The following RREB1 variants were observed in gnomAD, a reference collection of about 807,000 sequenced individuals.
The protein encoded by RREB1 is ras responsive element binding protein 1, also known as ras-responsive element-binding protein 1.
A neutral mutation model predicts 117.8 loss-of-function variants in RREB1; 27 were observed. The observed-to-expected ratio is 0.23, with a 90% confidence interval of 0.17 to 0.32. RREB1 has a LOEUF of 0.32. RREB1 is among the 10% of genes least tolerant of loss of function. The pLI, the probability that RREB1 is intolerant of heterozygous loss-of-function variation, is 1.00. For missense variants in RREB1, 2,577 were observed against 2,378.2 expected, an observed-to-expected ratio of 1.08 and a Z score of -1.74; for synonymous variants, 1,298 against 1,026.7, an observed-to-expected ratio of 1.26 and a Z score of -5.05.
At chr6:7,151,585 G>A (rs1763124645) in intron 1 of RREB1, among the ~76,000 whole-genome samples, 1 of 152,218 alleles carries the variant, frequency 6.6e-6, no homozygotes, top group Non-Finnish European at 1.5e-5. Flanking sequence ...GCACATTGCA[G>A]GCACATGACA....
chr6:7,176,136 C>T (rs1764487163), intron 1 of RREB1, among the ~76,000 whole-genome samples: 1 of 152,154 alleles, frequency 6.6e-6, no homozygotes. Context: ...AGGCTGGTCT[C>T]GAACTCCTGA....
chr6:7,210,500 T>G (rs1368860839), intron 6 of RREB1, among the ~76,000 whole-genome samples: 2 of 152,230 alleles, frequency 1.3e-5, no homozygotes, highest in Admixed American at 6.5e-5. Context: ...ACTTTTTGTC[T>G]GCATGAGTGG....
chr6:7,204,218 C>G (rs1766145676), intron 6 of RREB1, among the ~76,000 whole-genome samples: 1 of 152,200 alleles, frequency 6.6e-6, no homozygotes, highest in East Asian at 1.9e-4. Context: ...TGAACCCATA[C>G]AACACCTGAA....
chr6:7,137,079 C>T lies in RREB1; in HGVS notation c.-285+29019C>T, dbSNP rs563953378. Among the ~76,000 whole-genome samples, 6 of 152,320 alleles carry T rather than the reference C, an allele frequency of 3.9e-5. No homozygotes were observed. The East Asian group carries it at 9.7e-4, about 25-fold the overall frequency. Reference sequence around the variant, plus strand: ...TTTAGGGTCATCACCCAGGATCTGGCGACGGGAGTGCCTCAACATGGGGAG... The same window carrying T: ...TTTAGGGTCATCACCCAGGATCTGGTGACGGGAGTGCCTCAACATGGGGAG... On this transcript the variant is annotated intron_variant, in intron 1 of 12. Transcript: ENST00000379938.
chr6:7,187,537 G>GTTGTT lies in RREB1; in HGVS notation c.261+16_261+17insGTTTT. On this transcript the variant is annotated intron_variant, in intron 5 of 12. Transcript: ENST00000379938. The stretch of plus-strand genomic sequence containing the variant: ...CACATTCGCCAGGTAGATTCCCACT[G>GTTGTT]TTCTTTTATTTTATTTTATTTTATT... 1 of 1,084,394 alleles carries GTTGTT rather than the reference G, an allele frequency of 9.2e-7. No individual in the cohort carries two copies. The highest frequency in any genetic ancestry group is 1.3e-6 in the Non-Finnish European group (1 of 798,546). 67.2% of individuals were successfully genotyped at this position (1,084,394 alleles called of 1,614,324 possible). A position where few individuals can be genotyped will look rare whatever the true frequency, so the allele number is the denominator to read the frequency against.
intron 1 of RREB1, among the ~76,000 whole-genome samples, chr6:7,128,396 G>A (rs1762022008): frequency 2.0e-5 from 3 of 152,178 alleles, no homozygotes; most frequent in Admixed American, 2.0e-4. Context: ...GTGTCTGAAA[G>A]TGCTGCTTTT....
rs1314685680 is a variant in RREB1, at chr6:7,246,852, A to C, written c.4402A>C (p.Lys1468Gln). ...CCTGGGCACCCTGAGCCGCCACCGG[A>C]AGGCGCACGGCCGCCAGGAGCCCAA... is the stretch of plus-strand genomic sequence containing the variant. ...KFLGTLSRHRKAHGRQEPKDE... is the reference protein window; with the variant it reads ...KFLGTLSRHRQAHGRQEPKDE... The change falls in exon 12 of 13, where the codon AAG (lysine) becomes CAG (glutamine). Residue 1468 changes from lysine to glutamine, a missense_variant. Transcript: ENST00000379938. 2 of 1,553,340 alleles carry C rather than the reference A, an allele frequency of 1.3e-6. No individual in the cohort carries two copies. Among genetic ancestry groups the C allele is most frequent in the Non-Finnish European group, 1.7e-6 (2 of 1,148,712 alleles).
In RREB1 at chr6:7,249,095, G is replaced by GAC. The variant is rs1561812099; in HGVS notation, c.*128_*129insCA. ...AGAGAGAGAGAGAGAGAGAGAGAGA[G>GAC]AGAGAGAGACAAGCAGGAGCGTGGC... On this transcript the variant is annotated 3_prime_UTR_variant, in exon 13 of 13. Transcript: ENST00000379938. 9 of 717,092 alleles carry GAC rather than the reference G, an allele frequency of 1.3e-5. No individual in the cohort carries two copies. In the African/African-American group the frequency reaches 1.7e-4, roughly 14 times the overall value. The allele number at this position is 717,092 out of a possible 1,614,324, so 44.4% of individuals were successfully genotyped here. A position where few individuals can be genotyped will look rare whatever the true frequency, so the allele number is the denominator to read the frequency against.
At chr6:7,154,909 C>T (rs1180777208) in intron 1 of RREB1, among the ~76,000 whole-genome samples, 1 of 152,120 alleles carries the variant, frequency 6.6e-6, no homozygotes, top group Non-Finnish European at 1.5e-5. Context: ...TTACCACGAG[C>T]TTCATTCGTT....
At chr6:7,166,946 T>G (rs1170853658) in intron 1 of RREB1, among the ~76,000 whole-genome samples, 3 of 152,198 alleles carry the variant, frequency 2.0e-5, no homozygotes, top group Admixed American at 2.0e-4. Context: ...TACTGAACTT[T>G]ACCCTAGCTT....
chr6:7,197,393 G>A (rs1258503772), intron 6 of RREB1, among the ~76,000 whole-genome samples: 1 of 152,242 alleles, frequency 6.6e-6, no homozygotes, highest in African/African-American at 2.4e-5. Context: ...GAGTAGGGAT[G>A]TGTTCTGATT....
At chr6:7,112,068 T>C (rs1761174378) in intron 1 of RREB1, among the ~76,000 whole-genome samples, 1 of 152,218 alleles carries the variant, frequency 6.6e-6, no homozygotes, top group Admixed American at 6.5e-5. Flanking sequence ...TTGATAGGGC[T>C]TCTCCTCCAT....
At chr6:7,141,144 C>G (rs1463872263) in intron 1 of RREB1, among the ~76,000 whole-genome samples, 1 of 152,046 alleles carries the variant, frequency 6.6e-6, no homozygotes, top group Non-Finnish European at 1.5e-5. Flanking sequence ...CGGGCCGCCC[C>G]CAGGGCTCCC....
intron 1 of RREB1, among the ~76,000 whole-genome samples, chr6:7,170,697 TTTA>T (rs1251603979): frequency 9.9e-5 from 15 of 152,174 alleles, no homozygotes; most frequent in African/African-American, 3.1e-4. Flanking sequence ...CTGTCCCTCA[TTTA>T]TTATTATTTT....
chr6:7,147,567 A>G (rs953000234), intron 1 of RREB1, among the ~76,000 whole-genome samples: 1 of 152,124 alleles, frequency 6.6e-6, no homozygotes, highest in African/African-American at 2.4e-5. Flanking sequence ...CATCAGAGTG[A>G]ATTATATCTG....
intron 12 of RREB1, among the ~76,000 whole-genome samples, chr6:7,247,657 A>G (rs1053803103): frequency 1.3e-5 from 2 of 152,078 alleles, no homozygotes; most frequent in African/African-American, 2.4e-5. Flanking sequence ...TGGGTGATCC[A>G]TTAGGGTCAG....
intron 10 of RREB1, among the ~76,000 whole-genome samples, chr6:7,238,028 G>A (rs1434167982): frequency 2.6e-5 from 4 of 152,150 alleles, no homozygotes; most frequent in African/African-American, 7.2e-5. Context: ...AGGGGGGAGC[G>A]AGAAGCCGAT....
chr6:7,188,706 A>G (rs563338531), intron 5 of RREB1, among the ~76,000 whole-genome samples: 19 of 152,306 alleles, frequency 1.2e-4, no homozygotes, highest in Non-Finnish European at 2.8e-4. Context: ...CGTCTTTCAG[A>G]GGCCAAAACT....
At chr6:7,200,265 TG>T (rs1765888137) in intron 6 of RREB1, among the ~76,000 whole-genome samples, 8 of 138,280 alleles carry the variant, frequency 5.8e-5, no homozygotes, top group Admixed American at 2.7e-4. Flanking sequence ...TGTGTGTGTG[TG>T]TGTGTGTGTG....
Sources: allele counts gnomAD v4.1 joint callset (sites outside exome capture counted in the v4.1 genomes callset), GRCh38; gene constraint gnomAD v4.1.1; transcripts MANE v1.5; gene names NCBI Gene and HGNC (gene_info 2026-07-23, HGNC 2026-07-21).